The following ZNF550 variants were observed in gnomAD, a reference collection of about 807,000 sequenced individuals.
ZNF550 encodes zinc finger protein 550.
In ZNF550, 42 loss-of-function variants were observed where a neutral mutation model predicts 40.2. The ratio of observed to expected loss-of-function variants is 1.05; its 90% CI spans 0.82 to 1.35. The LOEUF is 1.35. Ranked by LOEUF, ZNF550 falls within the 40% of genes most tolerant of loss-of-function variation. ZNF550 has a pLI of 0.00. For missense variants in ZNF550, 549 were observed against 525.2 expected (o/e 1.05, Z -0.44); for synonymous variants, 223 against 198.6 (o/e 1.12, Z -1.03).
exon 3 of ZNF550, chr19:57,552,722 C>G: frequency 6.3e-7 from 1 of 1,596,030 alleles, no homozygotes; most frequent in Non-Finnish European, 8.5e-7. Flanking sequence ...AACCCGATGC[C>G]CTGTTGATAG....
intron 3 of ZNF550, among the ~76,000 whole-genome samples, chr19:57,552,049 G>T (rs1264366065): frequency 6.6e-6 from 1 of 152,204 alleles, no homozygotes; most frequent in Non-Finnish European, 1.5e-5. Flanking sequence ...CATTTATGAT[G>T]ATTAAAACTG....
intron 1 of ZNF550, 124 bp from the exon 2 acceptor site, chr19:57,556,481 G>T: frequency 7.8e-7 from 1 of 1,287,538 alleles, no homozygotes; most frequent in Non-Finnish European, 1.1e-6. Context: ...TCTCCTTTGG[G>T]CTGACTTCCG....
chr19:57,556,442 CAG>C, intron 1 of ZNF550, 85 bp from the exon 2 acceptor site: 2 of 1,513,292 alleles, frequency 1.3e-6, no homozygotes, highest in Admixed American at 4.0e-5. Context: ...AGTCAATGTG[CAG>C]AGAGATCCAG....
At chr19:57,555,910 T>C (rs1455246224) in intron 2 of ZNF550, 12 of 323,288 alleles carry the variant, frequency 3.7e-5, no homozygotes, top group Non-Finnish European at 7.1e-5. Context: ...CTCACCCCTT[T>C]CTCTAAGAAC....
intron 3 of ZNF550, among the ~76,000 whole-genome samples, chr19:57,549,685 G>A (rs2090055525): frequency 6.6e-6 from 1 of 152,240 alleles, no homozygotes; most frequent in South Asian, 2.1e-4. Flanking sequence ...CCAGATGCCT[G>A]GTGAAACCAA....
At chr19:57,552,140 T>C (rs918914053) in intron 3 of ZNF550, among the ~76,000 whole-genome samples, 11 of 152,248 alleles carry the variant, frequency 7.2e-5, no homozygotes, top group African/African-American at 2.4e-4. Context: ...GTGTTATCTC[T>C]ACATCCTCTA....
Position 57,547,097 on chromosome 19 carries a change from TCC to T in ZNF550, c.1145_1146del (p.Arg382GlnfsTer94). ...ACAGAGTGCTGAATGAGGTACGTGC[TCC>T]GGTGAAAGGCTTTCCCACACTGGGT... On this transcript the variant is annotated frameshift_variant, in exon 4 of 5. Transcript: ENST00000457177. LOFTEE classifies it high-confidence loss of function. 1.2e-6 allele frequency: 2 copies of T among 1,613,830 alleles called. No homozygotes were observed. The highest frequency in any genetic ancestry group is 1.7e-6 in the Non-Finnish European group (2 of 1,179,952).
intron 3 of ZNF550, chr19:57,552,328 A>C: frequency 2.3e-6 from 1 of 431,976 alleles, no homozygotes; most frequent in Non-Finnish European, 4.1e-6. Flanking sequence ...TGTGGTTGTC[A>C]AGTATGTGTA....
At chr19:57,544,708 A>G in intron 4 of ZNF550, 1 of 627,256 alleles carries the variant, frequency 1.6e-6, no homozygotes, top group Non-Finnish European at 2.0e-6. Context: ...GTGCTTTAAA[A>G]GGTTGTGAGG....
rs779567982 is a variant in ZNF550, at chr19:57,559,608, G to A, written c.27+48C>T. The A allele has an allele frequency of 2.4e-5, 35 of 1,450,936 alleles. 2 individuals carry two copies. In the South Asian group the frequency reaches 4.5e-4, roughly 19 times the overall value. The allele number at this position is 1,450,936 out of a possible 1,614,324, so 89.9% of individuals were successfully genotyped here. A position where few individuals can be genotyped will look rare whatever the true frequency, so the allele number is the denominator to read the frequency against. ...CGCCGTCCTTCCGCTCGTCGGGCCC[G>A]GGACACTGAGGCCGGGTGGCCGCGG... On this transcript the variant is annotated intron_variant, in intron 1 of 4. Transcript: ENST00000457177.
At chr19:57,545,749 A>G (rs1386800600) in intron 4 of ZNF550, among the ~76,000 whole-genome samples, 1 of 152,182 alleles carries the variant, frequency 6.6e-6, no homozygotes, top group Non-Finnish European at 1.5e-5. Context: ...GCAGTGACTC[A>G]CACCTGTAAT....
chr19:57,542,974 G>A (rs551186671), exon 5 of ZNF550: 10 of 152,536 alleles, frequency 6.6e-5, no homozygotes, highest in African/African-American at 2.2e-4. Flanking sequence ...ATGAATTTCT[G>A]CAGTTCTTCA....
exon 1 of ZNF550, chr19:57,559,700 G>T: frequency 6.7e-7 from 1 of 1,487,982 alleles, no homozygotes; most frequent in Non-Finnish European, 9.0e-7. Context: ...TTGGCAGGAC[G>T]AGGCCGCGTG....
chr19:57,557,497 T>C (rs947099984), intron 1 of ZNF550: 1 of 152,096 alleles, frequency 6.6e-6, no homozygotes, highest in African/African-American at 2.4e-5. Context: ...ATCCCCCTCA[T>C]GGAGATGGTA....
chr19:57,560,286 C>G (rs970498708), upstream of ZNF550, among the ~76,000 whole-genome samples: 1 of 152,146 alleles, frequency 6.6e-6, no homozygotes, highest in Non-Finnish European at 1.5e-5. Context: ...TCTGGACCCC[C>G]GCTTCCCGCG....
At chr19:57,556,446 G>C in intron 1 of ZNF550, 89 bp from the exon 2 acceptor site, 1 of 1,515,640 alleles carries the variant, frequency 6.6e-7, no homozygotes, top group South Asian at 1.3e-5. Context: ...AATGTGCAGA[G>C]AGATCCAGGT....
chr19:57,544,352 C>T (rs2089989220), intron 4 of ZNF550: 6 of 985,318 alleles, frequency 6.1e-6, no homozygotes, highest in African/African-American at 1.7e-5. Flanking sequence ...ATGGAAAACA[C>T]TCCTGCTTTG....
intron 4 of ZNF550, chr19:57,546,399 C>T (rs2090009990): frequency 2.4e-6 from 2 of 827,112 alleles, no homozygotes; most frequent in Non-Finnish European, 2.9e-6. Flanking sequence ...CATTCCCCTA[C>T]CAAAAAATAA....
exon 4 of ZNF550, chr19:57,547,797 C>T (rs1282232023): frequency 1.2e-6 from 2 of 1,614,180 alleles, no homozygotes. Flanking sequence ...CAAGATGGGT[C>T]TCCTTGTGGA....
Sources: allele counts gnomAD v4.1 joint callset (sites outside exome capture counted in the v4.1 genomes callset), GRCh38; gene constraint gnomAD v4.1.1; transcripts MANE v1.5; gene names NCBI Gene and HGNC (gene_info 2026-07-23, HGNC 2026-07-21).